The following CALN1 variants were observed in gnomAD, a reference collection of about 807,000 sequenced individuals.
CALN1 encodes calneuron 1, also known as calcium-binding protein 8.
In CALN1, 17 loss-of-function variants were observed where a neutral mutation model predicts 30.6. The observed-to-expected ratio is 0.56, with a 90% CI of 0.38 to 0.83. The LOEUF (loss-of-function observed/expected upper bound fraction) is 0.83. CALN1 is among the 40% of genes least tolerant of loss of function. The pLI, the probability that CALN1 is intolerant of heterozygous loss-of-function variation, is 0.00. For missense variants in CALN1, 291 were observed against 354.9 expected, an observed-to-expected ratio of 0.82 and a Z score of 1.45; for synonymous variants, 156 against 131.4, an observed-to-expected ratio of 1.19 and a Z score of -1.28.
chr7:72,440,016 G>A (rs903171639), intron 1 of CALN1, among the ~76,000 whole-genome samples: 1 of 152,172 alleles, frequency 6.6e-6, no homozygotes, highest in East Asian at 1.9e-4. Flanking sequence ...AATTGTTCAA[G>A]GATCAACTGT....
chr7:71,976,113 T>G (rs1388427601), intron 5 of CALN1, among the ~76,000 whole-genome samples: 1 of 152,008 alleles, frequency 6.6e-6, no homozygotes, highest in Non-Finnish European at 1.5e-5. Flanking sequence ...TTCTGGTCAC[T>G]GGTCTTGGGT....
intron 2 of CALN1, among the ~76,000 whole-genome samples, chr7:72,367,859 T>C (rs1054490981): frequency 2.2e-4 from 34 of 151,398 alleles, no homozygotes; most frequent in African/African-American, 8.2e-4. Context: ...ATAGGCCGGG[T>C]CCAGTGGCTC....
chr7:72,502,753 T>C, the CALN1 span, among the ~76,000 whole-genome samples: 1 of 152,240 alleles, frequency 6.6e-6, no homozygotes, highest in Non-Finnish European at 1.5e-5. Flanking sequence ...TATTCCTGGC[T>C]GAGTGGCACA....
intron 5 of CALN1, among the ~76,000 whole-genome samples, chr7:71,956,190 G>C (rs1388984313): frequency 2.0e-5 from 3 of 152,072 alleles, no homozygotes; most frequent in Non-Finnish European, 4.4e-5. Context: ...GCATCATCAT[G>C]TTGGCCAGGC....
At chr7:72,313,994 C>A (rs1007864682) in intron 2 of CALN1, among the ~76,000 whole-genome samples, 1 of 152,174 alleles carries the variant, frequency 6.6e-6, no homozygotes, top group Non-Finnish European at 1.5e-5. Context: ...ACAGACAGAG[C>A]CCCGTCCCTC....
intron 4 of CALN1, among the ~76,000 whole-genome samples, chr7:72,079,496 C>T (rs844742): frequency 0.01 from 1,533 of 152,170 alleles, 23 homozygotes; most frequent in African/African-American, 0.035. Flanking sequence ...TAAGTTGGTA[C>T]GAGAGTAATT....
intron 4 of CALN1, among the ~76,000 whole-genome samples, chr7:72,096,092 A>AT (rs1554438973): frequency 6.6e-5 from 8 of 121,666 alleles, no homozygotes; most frequent in African/African-American, 1.5e-4. Flanking sequence ...TAGATAGATA[A>AT]AGATAGATAG....
intron 5 of CALN1, among the ~76,000 whole-genome samples, chr7:71,957,214 G>C (rs910453038): frequency 6.6e-6 from 1 of 152,126 alleles, no homozygotes; most frequent in African/African-American, 2.4e-5. Flanking sequence ...TTCTGTGAGA[G>C]AATTTTGATT....
intron 3 of CALN1, among the ~76,000 whole-genome samples, chr7:72,240,191 TC>T (rs1794738235): frequency 7.1e-6 from 1 of 140,578 alleles, no homozygotes; most frequent in South Asian, 2.3e-4. Flanking sequence ...TGGGGAAATT[TC>T]TTTTTTTTTT....
At chr7:72,092,042 G>A (rs1015930368) in intron 4 of CALN1, among the ~76,000 whole-genome samples, 1 of 152,076 alleles carries the variant, frequency 6.6e-6, no homozygotes, top group Non-Finnish European at 1.5e-5. Flanking sequence ...ATATGAAACT[G>A]TATCAAGTAT....
chr7:71,885,318 AT>A lies in CALN1; in HGVS notation c.502-74827del, dbSNP rs1014600164. On this transcript the variant is annotated intron_variant, in intron 5 of 6. Coordinates refer to ENST00000395275, the MANE Select transcript of CALN1 (RefSeq NM_031468.4). ...AGGCGCCTGCCACCACACCTGGCTA[AT>A]TTTTTTGTATTTTTAGTAGAGATGG... is the stretch of plus-strand genomic sequence containing the variant. 2.0e-5 allele frequency among the ~76,000 whole-genome samples: 3 copies of A among 151,754 alleles called. No homozygotes were observed. The East Asian group carries it at 5.8e-4, about 29-fold the overall frequency.
At position 72,064,447 on chromosome 7, in the gene CALN1, C is replaced by T. The variant is rs566078802; in HGVS notation, c.389-40678G>A. ...CAAAACTAATCACTTTTGGCAGGTG[C>T]TCTTTGTCAGCCAGATGGACAATTC... On this transcript the variant is annotated intron_variant, in intron 4 of 6. Coordinates refer to ENST00000395275, the MANE Select transcript of CALN1 (RefSeq NM_031468.4). Among the ~76,000 whole-genome samples the T allele has an allele frequency of 1.1e-4, 17 of 152,222 alleles. No homozygotes were observed. The South Asian group carries it at 3.5e-3, about 32-fold the overall frequency.
chr7:71,820,588 G>T (rs1264681246), intron 5 of CALN1, among the ~76,000 whole-genome samples: 1 of 152,222 alleles, frequency 6.6e-6, no homozygotes, highest in Admixed American at 6.5e-5. Flanking sequence ...ATGGATGTAG[G>T]TGTACAAATA....
At chr7:72,395,359 G>GCACACACACA (rs71069064) in intron 2 of CALN1, among the ~76,000 whole-genome samples, 3 of 151,284 alleles carry the variant, frequency 2.0e-5, no homozygotes, top group Non-Finnish European at 3.0e-5. Flanking sequence ...GCACGCGCGC[G>GCACACACACA]CACACACACA....
At chr7:71,984,197 G>A (rs1034276752) in intron 5 of CALN1, among the ~76,000 whole-genome samples, 2 of 152,176 alleles carry the variant, frequency 1.3e-5, no homozygotes, top group African/African-American at 4.8e-5. Flanking sequence ...GCATAGTGGA[G>A]GGTGGAAGAG....
intron 3 of CALN1, among the ~76,000 whole-genome samples, chr7:72,225,213 G>A (rs1401460294): frequency 2.0e-5 from 3 of 152,084 alleles, no homozygotes; most frequent in Middle Eastern, 3.4e-3. Flanking sequence ...AAAAGAGGCC[G>A]GGCTCGGCTT....
At position 72,104,453 on chromosome 7, in the gene CALN1, T is replaced by A. The variant is rs547469924; in HGVS notation, c.388+1698A>T. ...GTGCAGGATGTGCAGGTTTGTTAGATAGGTAAACATGTGCCATGGTGGTTT... is the reference window on the plus strand; with the variant it reads ...GTGCAGGATGTGCAGGTTTGTTAGAAAGGTAAACATGTGCCATGGTGGTTT... On this transcript the variant is annotated intron_variant, in intron 4 of 6. Coordinates refer to ENST00000395275, the MANE Select transcript of CALN1 (RefSeq NM_031468.4). Among the ~76,000 whole-genome samples the A allele has an allele frequency of 6.6e-5, 10 of 152,240 alleles. No individual in the cohort carries two copies. The South Asian group carries it at 2.1e-3, about 32-fold the overall frequency.
At chr7:72,478,904 T>C in the CALN1 span, among the ~76,000 whole-genome samples, 1 of 148,446 alleles carries the variant, frequency 6.7e-6, no homozygotes, top group Non-Finnish European at 1.5e-5. Flanking sequence ...TTTTTTGAGA[T>C]GAAGTCTTGT....
At chr7:72,136,153 A>AAATAAATG (rs1585014581) in intron 3 of CALN1, among the ~76,000 whole-genome samples, 1 of 151,466 alleles carries the variant, frequency 6.6e-6, no homozygotes, top group East Asian at 1.9e-4. Context: ...ATAAATAAAT[A>AAATAAATG]AATAAATAAA....
Sources: allele counts gnomAD v4.1 joint callset (sites outside exome capture counted in the v4.1 genomes callset), GRCh38; gene constraint gnomAD v4.1.1; transcripts MANE v1.5; gene names NCBI Gene and HGNC (gene_info 2026-07-23, HGNC 2026-07-21).